Variants in PPFIBP2 observed in about 807,000 individuals in gnomAD.
PPFIBP2 encodes the protein liprin-beta-2.
In PPFIBP2, 118 loss-of-function variants were observed where a neutral mutation model predicts 118.3. The observed-to-expected ratio is 1.00, with a 90% CI of 0.86 to 1.16. The LOEUF (loss-of-function observed/expected upper bound fraction) is 1.16, where lower values mean the gene tolerates loss of function less well. Ranked by LOEUF, PPFIBP2 falls within the 50% of genes most tolerant of loss-of-function variation. The pLI is 0.00. For missense variants in PPFIBP2, 1,195 were observed against 1,073.1 expected (o/e 1.11, Z -1.59); for synonymous variants, 414 against 397.4 (o/e 1.04, Z -0.50).
At chr11:7,576,049 G>A (rs7131430) in intron 3 of PPFIBP2, among the ~76,000 whole-genome samples, 39,465 of 152,200 alleles carry the variant, frequency 0.26, 6,206 homozygotes, top group Admixed American at 0.43. Context: ...GTGCTGCCAG[G>A]CATTGTTTCT....
chr11:7,583,591 C>A (rs1289857639), intron 3 of PPFIBP2, among the ~76,000 whole-genome samples: 1 of 152,194 alleles, frequency 6.6e-6, no homozygotes, highest in Non-Finnish European at 1.5e-5. Context: ...TTCTGCAGCC[C>A]AGTGCTGTAA....
intron 6 of PPFIBP2, 183 bp downstream of exon 6, chr11:7,610,605 A>G (rs1847947996): frequency 6.0e-6 from 5 of 830,684 alleles, no homozygotes; most frequent in African/African-American, 3.4e-5. Flanking sequence ...AATTTCAGCA[A>G]TATCCAAACC....
At chr11:7,598,488 C>T (rs748137424) in intron 5 of PPFIBP2, 81 of 155,472 alleles carry the variant, frequency 5.2e-4, no homozygotes, top group Non-Finnish European at 1.0e-3. Flanking sequence ...TGTTGAGAAG[C>T]GAATTAGGTT....
chr11:7,549,608 A>AATTTTTT, intron 2 of PPFIBP2, 69 bp downstream of exon 2: 1 of 1,047,398 alleles, frequency 9.5e-7, no homozygotes, highest in Non-Finnish European at 1.2e-6. Context: ...CTCTCCTTTT[A>AATTTTTT]CTTTTTTTTT....
chr11:7,653,567 C>T lies in PPFIBP2; in HGVS notation c.*349C>T. ...CCATGGACACTCCCACGAGGCTCAG[C>T]TCTCAGGCACCCCCTACACTTCAGT... On this transcript the variant is annotated 3_prime_UTR_variant, in exon 24 of 24. Transcript: ENST00000299492. 7.6e-7 allele frequency: 1 copy of T among 1,310,058 alleles called. No homozygotes were observed. Among genetic ancestry groups the T allele is most frequent in the Non-Finnish European group, 1.0e-6 (1 of 1,003,052 alleles). 81.2% of individuals were successfully genotyped at this position (1,310,058 alleles called of 1,614,324 possible).
Position 7,630,773 on chromosome 11 carries a change from T to G in PPFIBP2, c.965-152T>G, listed in dbSNP as rs916816988. ...GATGCCAGCCCTTGCTCAGATGCCC[T>G]GAAGAATCTTCAGAATCACACTCTT... On this transcript the variant is annotated intron_variant, in intron 10 of 23. Transcript: ENST00000299492. 6.8e-5 allele frequency: 44 copies of G among 647,660 alleles called. No individual in the cohort carries two copies. In the Middle Eastern group the frequency reaches 1.9e-3, roughly 28 times the overall value. 40.1% of individuals were successfully genotyped at this position (647,660 alleles called of 1,614,324 possible). A position where few individuals can be genotyped will look rare whatever the true frequency, so the allele number is the denominator to read the frequency against.
In PPFIBP2 at chr11:7,616,650, G is replaced by A. The variant is rs1281467476; in HGVS notation, c.619-4285G>A. On this transcript the variant is annotated intron_variant, in intron 6 of 23. Coordinates refer to ENST00000299492, the MANE Select transcript of PPFIBP2 (RefSeq NM_003621.5). This position sits in a 1 kb window ranked among gnomAD's most constrained non-coding sequence, Gnocchi z 5.2. Reference sequence around the variant, plus strand: ...TGAGTTCAGGGTTTGGGTACATATTGTCATGGATAAGTGTGATGTGTGCCA... The same window carrying A: ...TGAGTTCAGGGTTTGGGTACATATTATCATGGATAAGTGTGATGTGTGCCA... 1.3e-5 allele frequency among the ~76,000 whole-genome samples: 2 copies of A among 152,198 alleles called. No homozygotes were observed. The highest frequency in any genetic ancestry group is 2.9e-5 in the Non-Finnish European group (2 of 68,028).
At chr11:7,628,870 T>A (rs982170277) in intron 9 of PPFIBP2, among the ~76,000 whole-genome samples, 9 of 152,190 alleles carry the variant, frequency 5.9e-5, no homozygotes, top group Non-Finnish European at 1.3e-4. Flanking sequence ...ATTTTACAGA[T>A]GAGGAAACAG....
chr11:7,587,942 C>G (rs1388841279), intron 3 of PPFIBP2, among the ~76,000 whole-genome samples: 1 of 152,220 alleles, frequency 6.6e-6, no homozygotes, highest in Admixed American at 6.5e-5. Context: ...AAGACTGATA[C>G]AAGTCTTCTC....
At chr11:7,575,067 G>A (rs191235467) in intron 3 of PPFIBP2, among the ~76,000 whole-genome samples, 11 of 152,164 alleles carry the variant, frequency 7.2e-5, no homozygotes, top group East Asian at 3.9e-4. Flanking sequence ...AATGGGCCCC[G>A]TCTTTTCCTT....
Position 7,641,603 on chromosome 11 carries a change from TAAG to T in PPFIBP2, c.1504_1506del (p.Lys502del). On this transcript the variant is annotated inframe_deletion, in exon 16 of 24. Coordinates refer to ENST00000299492, the MANE Select transcript of PPFIBP2 (RefSeq NM_003621.5). ...ATGGTAAACGGAATCCCAAAGGCAT[TAAG>T]AAGTTCTGGGGAAAGTAAGTTGGTG... 2 of 1,613,978 alleles carry T rather than the reference TAAG, an allele frequency of 1.2e-6. No homozygotes were observed. Among genetic ancestry groups the T allele is most frequent in the Non-Finnish European group, 1.7e-6 (2 of 1,179,924 alleles).
intron 6 of PPFIBP2, among the ~76,000 whole-genome samples, chr11:7,612,667 T>C (rs1848204479): frequency 6.6e-6 from 1 of 152,276 alleles, no homozygotes; most frequent in African/African-American, 2.4e-5. Context: ...CCTGAGTGTC[T>C]GGCCTCAGTC....
Position 7,653,627 on chromosome 11 carries a change from C to G in PPFIBP2, c.*409C>G, listed in dbSNP as rs916983375. ...AGCTCAAGTGCCTTAGGCCCGTGGA[C>G]CACAGTCTTGGCTGAGATCAAAGGG... On this transcript the variant is annotated 3_prime_UTR_variant, in exon 24 of 24. Coordinates refer to ENST00000299492, the MANE Select transcript of PPFIBP2 (RefSeq NM_003621.5). The G allele has an allele frequency of 1.5e-6, 2 of 1,294,924 alleles. No homozygotes were observed. Among genetic ancestry groups the G allele is most frequent in the Non-Finnish European group, 2.0e-6 (2 of 992,884 alleles). 80.2% of individuals were successfully genotyped at this position (1,294,924 alleles called of 1,614,324 possible).
chr11:7,540,054 T>A (rs1851621870), intron 1 of PPFIBP2, among the ~76,000 whole-genome samples: 1 of 152,168 alleles, frequency 6.6e-6, no homozygotes, highest in Non-Finnish European at 1.5e-5. Context: ...AGAACTTGGA[T>A]CTACATGCAG....
intron 2 of PPFIBP2, among the ~76,000 whole-genome samples, chr11:7,563,904 G>A (rs138501793): frequency 0.017 from 2,531 of 152,240 alleles, 19 homozygotes; most frequent in Middle Eastern, 0.038. Flanking sequence ...AGTGGCTCAC[G>A]CCTGTAATCC....
chr11:7,613,995 G>A (rs1171551767), intron 6 of PPFIBP2, among the ~76,000 whole-genome samples: 1 of 152,218 alleles, frequency 6.6e-6, no homozygotes, highest in Non-Finnish European at 1.5e-5. Flanking sequence ...CTTCCTTGTG[G>A]TTAGGACCCT....
At chr11:7,657,286 ATTC>A (rs1854767197), downstream of PPFIBP2, among the ~76,000 whole-genome samples, 1 of 152,166 alleles carries the variant, frequency 6.6e-6, no homozygotes, top group Non-Finnish European at 1.5e-5. Flanking sequence ...TGCTTTTTCC[ATTC>A]TTGGGACTGT....
In PPFIBP2 at chr11:7,604,588, C is replaced by A. The variant is rs779680483; in HGVS notation, c.487-5703C>A. 1.6e-4 allele frequency among the ~76,000 whole-genome samples: 24 copies of A among 150,406 alleles called. 1 individual carries two copies. Among genetic ancestry groups the A allele is most frequent in the Non-Finnish European group, 1.6e-4 (11 of 67,404 alleles). ...CACACACACCTACTCACCCACCCAT[C>A]CACACACACACACCCCCACACCCAT... On this transcript the variant is annotated intron_variant, in intron 5 of 23. Transcript: ENST00000299492.
chr11:7,612,696 T>C (rs985818797), intron 6 of PPFIBP2, among the ~76,000 whole-genome samples: 3 of 152,226 alleles, frequency 2.0e-5, no homozygotes, highest in African/African-American at 4.8e-5. Flanking sequence ...TAACAGCCCT[T>C]CCCAGTTGCT....
Sources: gnomAD v4.1 joint callset for allele counts (sites outside exome capture counted in the v4.1 genomes callset) on GRCh38, gnomAD v4.1.1 for gene constraint, Gnocchi (gnomAD v3.1) non-coding constraint, MANE v1.5 for transcripts, NCBI Gene and HGNC (gene_info 2026-07-23, HGNC 2026-07-21) for gene names.